MYO16: variants seen among roughly 807,000 people sequenced by gnomAD.
MYO16 encodes the protein unconventional myosin-XVI.
A neutral mutation model predicts 205.3 loss-of-function variants in MYO16; 94 were observed. That is an observed-to-expected ratio of 0.46 (90% CI 0.39 to 0.54). The LOEUF (loss-of-function observed/expected upper bound fraction) is 0.54. MYO16 is among the 20% of genes least tolerant of loss of function. The probability of loss-of-function intolerance (pLI) is 0.00; values close to 1 mark genes in which losing one functional copy is unlikely to be tolerated. For synonymous variants in MYO16, 988 were observed against 954.0 expected (o/e 1.04, Z -0.66); for missense variants, 2,315 against 2,387.5 (o/e 0.97, Z 0.63).
At chr13:108,936,706 A>G (rs949573963) in intron 16 of MYO16, among the ~76,000 whole-genome samples, 1 of 151,716 alleles carries the variant, frequency 6.6e-6, no homozygotes, top group African/African-American at 2.4e-5. Context: ...CTTTACTTTG[A>G]TTCTATAGCT....
At chr13:109,026,571 A>G (rs904438892) in intron 23 of MYO16, among the ~76,000 whole-genome samples, 8 of 152,212 alleles carry the variant, frequency 5.3e-5, no homozygotes, top group African/African-American at 1.9e-4. Flanking sequence ...CTAGGAAACC[A>G]TAAAGTATTT....
intron 23 of MYO16, among the ~76,000 whole-genome samples, chr13:109,035,710 T>A (rs1324849896): frequency 1.3e-5 from 2 of 152,084 alleles, no homozygotes; most frequent in African/African-American, 4.8e-5. Context: ...TAAAATAAAA[T>A]GCACTGTGTA....
At chr13:109,017,777 C>A (rs1330455169) in intron 22 of MYO16, among the ~76,000 whole-genome samples, 1 of 152,158 alleles carries the variant, frequency 6.6e-6, no homozygotes, top group African/African-American at 2.4e-5. Context: ...CTTGTGCATG[C>A]GTCACGTAGT....
At chr13:109,168,966 A>G (rs2139888337) in intron 33 of MYO16, among the ~76,000 whole-genome samples, 1 of 152,194 alleles carries the variant, frequency 6.6e-6, no homozygotes, top group East Asian at 1.9e-4. Context: ...CATCAACTGA[A>G]TAGTATATAT....
At chr13:108,700,299 T>G (rs1215587104) in intron 2 of MYO16, among the ~76,000 whole-genome samples, 2 of 142,194 alleles carry the variant, frequency 1.4e-5, no homozygotes. Flanking sequence ...GCCATTGCAC[T>G]GCAGCTTGGG....
At chr13:109,136,345 G>T (rs1002965382) in intron 31 of MYO16, among the ~76,000 whole-genome samples, 1 of 151,976 alleles carries the variant, frequency 6.6e-6, no homozygotes, top group African/African-American at 2.4e-5. Context: ...TGCCCGCCTC[G>T]GCCTCCCAAA....
chr13:109,022,696 ATTTATATAT>A (rs1482164479), intron 23 of MYO16, among the ~76,000 whole-genome samples: 1 of 125,522 alleles, frequency 8.0e-6, no homozygotes, highest in African/African-American at 2.8e-5. Context: ...ACATGTATAT[ATTTATATAT>A]TATATATACG....
chr13:108,667,286 A>G (rs1385221311), intron 2 of MYO16, among the ~76,000 whole-genome samples: 1 of 148,682 alleles, frequency 6.7e-6, no homozygotes, highest in African/African-American at 2.5e-5. Context: ...GGCTTTTTCT[A>G]GTTAAACTGT....
intron 2 of MYO16, among the ~76,000 whole-genome samples, chr13:108,693,448 T>A (rs1266737177): frequency 6.6e-6 from 1 of 152,214 alleles, no homozygotes; most frequent in Non-Finnish European, 1.5e-5. Flanking sequence ...TCTGTGAATT[T>A]CCCTACTTTT....
intron 3 of MYO16, among the ~76,000 whole-genome samples, chr13:108,719,748 G>A (rs1443108278): frequency 2.0e-5 from 3 of 152,114 alleles, no homozygotes; most frequent in East Asian, 1.9e-4. Flanking sequence ...AGGCTATTAG[G>A]TACCTTCTGC....
the MYO16 span, among the ~76,000 whole-genome samples, chr13:108,533,858 C>T: frequency 4.6e-5 from 7 of 152,096 alleles, no homozygotes; most frequent in Non-Finnish European, 1.0e-4. Context: ...TGCATATATT[C>T]AATTGAACAT....
upstream of MYO16, among the ~76,000 whole-genome samples, chr13:108,627,774 T>C (rs1879801362): frequency 6.6e-6 from 1 of 152,158 alleles, no homozygotes; most frequent in Non-Finnish European, 1.5e-5. Flanking sequence ...TTTTTTTCAG[T>C]TTAAAGAGTG....
chr13:108,908,987 A>AAAT (rs1555311597), intron 15 of MYO16, among the ~76,000 whole-genome samples: 2,289 of 148,830 alleles, frequency 0.015, 47 homozygotes, highest in East Asian at 0.089. Flanking sequence ...AAAATAAAAT[A>AAAT]AAATAAATAA....
intron 1 of MYO16, among the ~76,000 whole-genome samples, chr13:108,631,207 G>A (rs1261885818): frequency 6.6e-6 from 1 of 152,102 alleles, no homozygotes; most frequent in East Asian, 1.9e-4. Flanking sequence ...CTGTGCCTCT[G>A]CAGAGGAAAA....
chr13:108,655,833 C>T (rs1881219556), intron 1 of MYO16, among the ~76,000 whole-genome samples: 2 of 152,158 alleles, frequency 1.3e-5, no homozygotes, highest in Non-Finnish European at 2.9e-5. Context: ...TTTAGACTTG[C>T]ATGGGTTCTG....
chr13:108,886,382 G>A, intron 13 of MYO16: 1 of 455,978 alleles, frequency 2.2e-6, no homozygotes, highest in South Asian at 1.6e-5. Flanking sequence ...AGGTGTTGAT[G>A]CAGGATTTTG....
chr13:109,179,399 A>C (rs1427048093), intron 33 of MYO16, 143 bp from the exon 34 acceptor site: 3 of 613,762 alleles, frequency 4.9e-6, no homozygotes, highest in Admixed American at 2.6e-5. Flanking sequence ...TCATTGCAAA[A>C]TTTAGTATTT....
At chr13:108,861,207 A>T (rs1459186177) in intron 11 of MYO16, among the ~76,000 whole-genome samples, 2 of 152,162 alleles carry the variant, frequency 1.3e-5, no homozygotes, top group Non-Finnish European at 2.9e-5. Context: ...CCCAATCCAC[A>T]CTTAGTCATT....
intron 20 of MYO16, among the ~76,000 whole-genome samples, chr13:108,979,978 T>C (rs1884397901): frequency 6.6e-6 from 1 of 152,180 alleles, no homozygotes; most frequent in Admixed American, 6.5e-5. Flanking sequence ...TCATGATATC[T>C]ATGATAAATT....
Sources: allele counts gnomAD v4.1 joint callset (sites outside exome capture counted in the v4.1 genomes callset), GRCh38; gene constraint gnomAD v4.1.1; transcripts MANE v1.5; gene names NCBI Gene and HGNC (gene_info 2026-07-23, HGNC 2026-07-21).